Variants in SP3 observed in about 807,000 individuals in gnomAD.
SP3 encodes the protein transcription factor Sp3.
A neutral mutation model predicts 70.3 loss-of-function variants in SP3; 10 were observed. The observed-to-expected ratio is 0.14, with a 90% CI of 0.09 to 0.24. The LOEUF (loss-of-function observed/expected upper bound fraction) is 0.24, where lower values mean the gene tolerates loss of function less well. Ranked by LOEUF, SP3 falls within the 10% of genes least tolerant of loss-of-function variation. The pLI, the probability that SP3 is intolerant of heterozygous loss-of-function variation, is 1.00. For synonymous variants in SP3, 402 were observed against 333.5 expected, an observed-to-expected ratio of 1.21 and a Z score of -2.24; for missense variants, 825 against 914.6, an observed-to-expected ratio of 0.90 and a Z score of 1.26.
upstream of SP3, chr2:173,965,410 C>CA: frequency 1.8e-6 from 1 of 554,766 alleles, no homozygotes; most frequent in Non-Finnish European, 3.2e-6. Context: ...TCTTGGCTCT[C>CA]ATTCGCCGCC....
chr2:173,965,576 G>A (rs935014478), upstream of SP3: 6 of 218,906 alleles, frequency 2.7e-5, no homozygotes, highest in South Asian at 2.8e-4. Flanking sequence ...CGGTTACCCC[G>A]CTGTGCCCGC....
intron 3 of SP3, 115 bp from the exon 4 acceptor site, chr2:173,956,347 A>T: frequency 9.1e-7 from 1 of 1,095,738 alleles, no homozygotes; most frequent in South Asian, 1.7e-5. Context: ...ATCTTAAAAC[A>T]CAATGGAGTT....
chr2:173,964,912 G>A (rs1053753211), intron 1 of SP3: 14 of 520,218 alleles, frequency 2.7e-5, no homozygotes, highest in African/African-American at 1.2e-4. Flanking sequence ...CCGCACACAG[G>A]GGGATGCGCT....
intron 1 of SP3, 56 bp downstream of exon 1, chr2:173,965,109 T>TCGGCGGCAG: frequency 2.6e-6 from 4 of 1,543,458 alleles, no homozygotes; most frequent in Non-Finnish European, 3.5e-6. Context: ...CTGGCTGTGG[T>TCGGCGGCAG]CGGCGGCAGC....
At chr2:173,926,936 T>C (rs1273810743) in intron 4 of SP3, among the ~76,000 whole-genome samples, 2 of 152,180 alleles carry the variant, frequency 1.3e-5, no homozygotes, top group African/African-American at 4.8e-5. Context: ...AAAGGTTTAA[T>C]TGGCTCATGG....
chr2:173,916,964 A>G (rs1346661859), intron 5 of SP3: 1 of 152,094 alleles, frequency 6.6e-6, no homozygotes, highest in African/African-American at 2.4e-5. Context: ...CAAAACAAGA[A>G]CAGACATATA....
At chr2:173,960,763 G>A (rs796337630) in intron 3 of SP3, among the ~76,000 whole-genome samples, 21 of 151,944 alleles carry the variant, frequency 1.4e-4, no homozygotes, top group African/African-American at 5.1e-4. Context: ...GAGGTCAGGA[G>A]ATCGAGACCA....
At position 173,905,972 on chromosome 2, in the gene SP3, G is replaced by C. The variant is rs1027218707; in HGVS notation, c.*3969C>G. Reference sequence around the variant, plus strand: ...CCATGATTGCACCACTGCACTGTGTGACAGAGACAGACCCTGTCAAATATA... The same window carrying C: ...CCATGATTGCACCACTGCACTGTGTCACAGAGACAGACCCTGTCAAATATA... On this transcript the variant is annotated 3_prime_UTR_variant, in exon 7 of 7. Transcript: ENST00000310015. Among the ~76,000 whole-genome samples, 1 of 152,180 alleles carries C rather than the reference G, an allele frequency of 6.6e-6. No homozygotes were observed. The highest frequency in any genetic ancestry group is 2.4e-5 in the African/African-American group (1 of 41,442).
At chr2:173,964,383 C>T (rs766865249) in intron 2 of SP3, 22 bp downstream of exon 2, 7 of 690,300 alleles carry the variant, frequency 1.0e-5, no homozygotes, top group Admixed American at 1.0e-4. Flanking sequence ...GGGAGCCGGG[C>T]CGGGGTTCAG....
intron 4 of SP3, among the ~76,000 whole-genome samples, chr2:173,921,519 G>A (rs370854830): frequency 1.4e-4 from 20 of 142,338 alleles, no homozygotes; most frequent in East Asian, 8.0e-4. Context: ...GAGCGGTCCC[G>A]TCACTATCCA....
chr2:173,927,281 T>A (rs923384220), intron 4 of SP3, among the ~76,000 whole-genome samples: 1 of 151,852 alleles, frequency 6.6e-6, no homozygotes, highest in Non-Finnish European at 1.5e-5. Context: ...TATATCTTTT[T>A]TTTTTTTTTT....
chr2:173,962,647 TAAAAA>T (rs554889189), intron 3 of SP3, among the ~76,000 whole-genome samples: 1 of 147,016 alleles, frequency 6.8e-6, no homozygotes, highest in East Asian at 2.0e-4. Context: ...TGGTTTAACT[TAAAAA>T]AAAAAAATAC....
At chr2:173,949,409 G>GA (rs915692365) in intron 4 of SP3, among the ~76,000 whole-genome samples, 4 of 151,042 alleles carry the variant, frequency 2.6e-5, no homozygotes, top group African/African-American at 7.3e-5. Context: ...AAAAAGGGAA[G>GA]AAAAATACAA....
At chr2:173,962,296 A>G (rs1691113811) in intron 3 of SP3, among the ~76,000 whole-genome samples, 1 of 152,240 alleles carries the variant, frequency 6.6e-6, no homozygotes, top group African/African-American at 2.4e-5. Flanking sequence ...AGTTACAAGA[A>G]AAGTTTTGTT....
intron 5 of SP3, among the ~76,000 whole-genome samples, chr2:173,918,323 G>A (rs1281176781): frequency 2.6e-5 from 4 of 151,984 alleles, no homozygotes; most frequent in African/African-American, 9.7e-5. Flanking sequence ...TTTGCAAACA[G>A]GCTAATTTCT....
chr2:173,909,960 C>T lies in SP3; in HGVS notation c.2327G>A (p.Gly776Glu), dbSNP rs759911765. The T allele has an allele frequency of 6.2e-7, 1 of 1,613,474 alleles. No homozygotes were observed. Among genetic ancestry groups the T allele is most frequent in the Non-Finnish European group, 8.5e-7 (1 of 1,179,514 alleles). Residue 776 changes from glycine (G) to glutamate (E), a missense_variant, in exon 7 of 7, where the codon GGA becomes GAA. Coordinates refer to ENST00000310015, the MANE Select transcript of SP3 (RefSeq NM_003111.5). The stretch of plus-strand genomic sequence containing the variant: ...TAATATTTACTCCATTGTCTCATTT[C>T]CAGAAACTGTGACAAGCTGTAAAGG... ...EIPLQLVTVS[G>E]NETME
Position 173,955,531 on chromosome 2 carries a change from TGTATCA to T in SP3, c.975_980del (p.Thr327_Asp328del). On this transcript the variant is annotated inframe_deletion, in exon 4 of 7. Coordinates refer to ENST00000310015, the MANE Select transcript of SP3 (RefSeq NM_003111.5). The stretch of plus-strand genomic sequence containing the variant: ...AAGAGGATGTTGGCACAAATAAATC[TGTATCA>T]GTATTAGTTTCATTAATATCAGGAG... The T allele has an allele frequency of 6.2e-7, 1 of 1,614,158 alleles. No individual in the cohort carries two copies. Among genetic ancestry groups the T allele is most frequent in the Non-Finnish European group, 8.5e-7 (1 of 1,180,028 alleles).
intron 4 of SP3, among the ~76,000 whole-genome samples, chr2:173,934,969 A>G (rs1214564778): frequency 6.6e-6 from 1 of 152,220 alleles, no homozygotes; most frequent in African/African-American, 2.4e-5. Flanking sequence ...AAAAAGCATC[A>G]CAAAGAAGGT....
intron 5 of SP3, chr2:173,915,656 CAAAGAAAACAGATTGTGCACAATTTTAAA>C (rs1408978719): frequency 1.3e-5 from 2 of 151,956 alleles, no homozygotes; most frequent in East Asian, 1.9e-4. Context: ...GAAATGCTGA[CAAAGAAAACAGATTGTGCACAATTTTAAA>C]AATATGGACT....
Sources: allele counts gnomAD v4.1 joint callset (sites outside exome capture counted in the v4.1 genomes callset), GRCh38; gene constraint gnomAD v4.1.1; transcripts MANE v1.5; gene names NCBI Gene and HGNC (gene_info 2026-07-23, HGNC 2026-07-21).